The following PCDHA2 variants were observed in gnomAD, a reference collection of about 807,000 sequenced individuals.
The protein encoded by PCDHA2 is protocadherin alpha-2.
In PCDHA2, 58 loss-of-function variants were observed where a neutral mutation model predicts 66.0. That is an observed-to-expected ratio of 0.88 (90% CI 0.71 to 1.09). The LOEUF is 1.09. PCDHA2 is among the 50% of genes least tolerant of loss of function. PCDHA2 has a pLI of 0.00. For synonymous variants in PCDHA2, 634 were observed against 554.0 expected (o/e 1.14, Z -2.03); for missense variants, 1,267 against 1,242.3 (o/e 1.02, Z -0.30).
intron 1 of PCDHA2, chr5:140,869,717 C>A: frequency 6.2e-7 from 1 of 1,613,364 alleles, no homozygotes. Context: ...AGAGAGAAAA[C>A]TCCGGAACTT....
Position 141,010,492 on chromosome 5 carries a change from C to T in PCDHA2, c.*555C>T. 8.0e-6 allele frequency: 5 copies of T among 628,626 alleles called. No homozygotes were observed. 38.9% of individuals were successfully genotyped at this position (628,626 alleles called of 1,614,324 possible). On this transcript the variant is annotated 3_prime_UTR_variant, in exon 4 of 4. Coordinates refer to ENST00000526136, the MANE Select transcript of PCDHA2 (RefSeq NM_018905.3). ...AGGGGAAGTGTAAACTTAAAGGGAC[C>T]AGACTTTCTAAATCTTACAACTCAA... is the stretch of plus-strand genomic sequence containing the variant.
chr5:140,856,312 G>C, intron 1 of PCDHA2: 1 of 1,598,632 alleles, frequency 6.3e-7, no homozygotes, highest in Non-Finnish European at 8.6e-7. Context: ...TGAATTCTCG[G>C]ATTGACCGCG....
chr5:140,809,240 G>C (rs1554125099), intron 1 of PCDHA2: 14 of 1,614,108 alleles, frequency 8.7e-6, no homozygotes, highest in Non-Finnish European at 1.2e-5. Flanking sequence ...GGCGTTGGTG[G>C]GCGCTGTGGG....
At chr5:140,843,515 T>TGCCGGGCGGGC in intron 1 of PCDHA2, 1 of 1,595,536 alleles carries the variant, frequency 6.3e-7, no homozygotes, top group Non-Finnish European at 8.6e-7. Context: ...TGAGGGCGGG[T>TGCCGGGCGGGC]GCCGGGCGGG....
chr5:140,960,792 C>T (rs2095571018), intron 1 of PCDHA2, among the ~76,000 whole-genome samples: 1 of 151,986 alleles, frequency 6.6e-6, no homozygotes, highest in South Asian at 2.1e-4. Context: ...AACAAGGTTT[C>T]TATTAAAATA....
chr5:141,002,681 C>T (rs556518008), intron 3 of PCDHA2, among the ~76,000 whole-genome samples: 32 of 152,154 alleles, frequency 2.1e-4, no homozygotes, highest in Non-Finnish European at 4.0e-4. Context: ...ACCTATACGA[C>T]GTGCAGATTT....
rs782061977 is a variant in PCDHA2 at position 140,870,205 on chromosome 5, A to C, written c.2388+72853A>C. 2.5e-6 allele frequency: 4 copies of C among 1,614,148 alleles called. No homozygotes were observed. The South Asian group carries it at 4.4e-5, about 18-fold the overall frequency. On this transcript the variant is annotated intron_variant, in intron 1 of 3. Transcript: ENST00000526136. Reference sequence around the variant, plus strand: ...AGAGGACGCTCAGCCCAGCACGGTCATTGCCCTGATCAGCGTGTCTGACCG... The same window carrying C: ...AGAGGACGCTCAGCCCAGCACGGTCCTTGCCCTGATCAGCGTGTCTGACCG...
chr5:140,844,775 A>G (rs959672555), intron 1 of PCDHA2, among the ~76,000 whole-genome samples: 1 of 149,266 alleles, frequency 6.7e-6, no homozygotes, highest in Non-Finnish European at 1.5e-5. Flanking sequence ...AAGATACTTT[A>G]TTTTGGTATC....
intron 1 of PCDHA2, chr5:140,858,272 G>A: frequency 6.3e-7 from 1 of 1,597,346 alleles, no homozygotes; most frequent in Non-Finnish European, 8.6e-7. Flanking sequence ...GTGCTCTAGC[G>A]CGGTGGGGAG....
chr5:140,795,986 T>A lies in PCDHA2; in HGVS notation c.1022T>A (p.Val341Glu). Reference sequence around the variant, plus strand: ...CATTGTAAAATTTCATTAAAACTTGTGGACATCAATGATAACACACCAGAA... The same window carrying A: ...CATTGTAAAATTTCATTAAAACTTGAGGACATCAATGATAACACACCAGAA... The part of the protein sequence containing the change: ...SGHCKISLKL[V>E]DINDNTPEVS... Residue 341 changes from valine to glutamate, a missense_variant, in exon 1 of 4, where the codon GTG becomes GAG. Val to Glu is a moderately radical substitution (Grantham distance 121). Transcript: ENST00000526136. The A allele has an allele frequency of 6.2e-7, 1 of 1,614,164 alleles. No individual in the cohort carries two copies. Among genetic ancestry groups the A allele is most frequent in the Non-Finnish European group, 8.5e-7 (1 of 1,180,026 alleles).
intron 1 of PCDHA2, among the ~76,000 whole-genome samples, chr5:140,881,178 G>A (rs924852150): frequency 2.0e-5 from 3 of 152,098 alleles, no homozygotes; most frequent in African/African-American, 7.2e-5. Flanking sequence ...TCTTTTCCTT[G>A]CTAAAGATAT....
At chr5:140,958,597 G>A (rs551005076) in intron 1 of PCDHA2, among the ~76,000 whole-genome samples, 60 of 152,170 alleles carry the variant, frequency 3.9e-4, no homozygotes, top group African/African-American at 1.4e-3. Context: ...ATGATAATTG[G>A]ATCAAAGGAA....
intron 1 of PCDHA2, among the ~76,000 whole-genome samples, chr5:140,961,949 T>G (rs868952671): frequency 2.0e-5 from 3 of 151,876 alleles, no homozygotes; most frequent in Non-Finnish European, 4.4e-5. Context: ...AGTGGCATGA[T>G]CTCGGCTCAC....
intron 1 of PCDHA2, chr5:140,966,810 G>C (rs1290992432): frequency 3.2e-6 from 5 of 1,548,566 alleles, no homozygotes; most frequent in Non-Finnish European, 4.3e-6. Context: ...GAGCATCCAC[G>C]GCTCCGGCGG....
intron 1 of PCDHA2, chr5:140,808,736 G>A (rs1291582762): frequency 6.2e-7 from 1 of 1,612,074 alleles, no homozygotes; most frequent in Non-Finnish European, 8.5e-7. Flanking sequence ...GAGCGGCAAG[G>A]TGTACGCGCT....
intron 1 of PCDHA2, chr5:140,882,203 TGA>T: frequency 6.5e-7 from 1 of 1,530,090 alleles, no homozygotes; most frequent in Non-Finnish European, 8.8e-7. Flanking sequence ...AATTGGGCCT[TGA>T]GAGACAGTTT....
intron 1 of PCDHA2, chr5:140,868,367 A>G (rs1172492575): frequency 6.6e-6 from 1 of 152,208 alleles, no homozygotes; most frequent in East Asian, 1.9e-4. Flanking sequence ...AAATGTAAAT[A>G]ACAGTAAAGA....
intron 1 of PCDHA2, chr5:140,869,938 T>TA (rs2051517617): frequency 6.2e-7 from 1 of 1,611,918 alleles, no homozygotes; most frequent in Admixed American, 1.7e-5. Context: ...AGAGGTAACA[T>TA]ACTCCTTAAT....
rs201231291 is a variant in PCDHA2, at chr5:140,849,957, G to A, written c.2388+52605G>A. On this transcript the variant is annotated intron_variant, in intron 1 of 3. Transcript: ENST00000526136. ...GCGGGACGCTGACGCGCAGGAGAAC[G>A]CCCTGGTGTCCTACTCGCTGGTGGA... The A allele has an allele frequency of 3.1e-6, 5 of 1,597,800 alleles. 1 individual carries two copies. The highest frequency in any genetic ancestry group is 3.4e-6 in the Non-Finnish European group (4 of 1,167,908).
Sources: gnomAD v4.1 joint callset for allele counts (sites outside exome capture counted in the v4.1 genomes callset) on GRCh38, gnomAD v4.1.1 for gene constraint, MANE v1.5 for transcripts, NCBI Gene and HGNC (gene_info 2026-07-23, HGNC 2026-07-21) for gene names.